The following HDGFL3 variants were observed in gnomAD, a reference collection of about 807,000 sequenced individuals.
The protein encoded by HDGFL3 is hepatoma-derived growth factor-related protein 3.
In HDGFL3, 6 loss-of-function variants were observed where a neutral mutation model predicts 27.6. That is an observed-to-expected ratio of 0.22 (90% confidence interval 0.12 to 0.43). HDGFL3 has a LOEUF of 0.43. HDGFL3 is among the 20% of genes least tolerant of loss of function. The pLI is 1.00. For missense variants in HDGFL3, 207 were observed against 250.1 expected, an observed-to-expected ratio of 0.83 and a Z score of 1.16; for synonymous variants, 88 against 88.9, an observed-to-expected ratio of 0.99 and a Z score of 0.05.
intron 3 of HDGFL3, among the ~76,000 whole-genome samples, chr15:83,116,154 C>T (rs1170783266): frequency 6.6e-6 from 1 of 152,232 alleles, no homozygotes; most frequent in Non-Finnish European, 1.5e-5. Context: ...ACATTCAGCT[C>T]TCACGGCTTC....
intron 1 of HDGFL3, among the ~76,000 whole-genome samples, chr15:83,170,334 T>A (rs1287667048): frequency 1.3e-5 from 2 of 152,096 alleles, no homozygotes; most frequent in African/African-American, 4.8e-5. Context: ...TAAGGCCACA[T>A]TAACCAAAAC....
intron 5 of HDGFL3, among the ~76,000 whole-genome samples, chr15:83,139,643 A>G (rs1033169036): frequency 2.0e-5 from 3 of 152,234 alleles, no homozygotes; most frequent in African/African-American, 4.8e-5. Context: ...GACATTCTTC[A>G]GAAAGAAAGG....
chr15:83,130,457 A>G lies in HDGFL3; in HGVS notation c.*8813T>C, dbSNP rs141308231. 1 of 152,358 alleles carries G rather than the reference A, an allele frequency of 6.6e-6. No homozygotes were observed. Among genetic ancestry groups the G allele is most frequent in the Non-Finnish European group, 1.5e-5 (1 of 68,076 alleles). The allele number at this position is 152,358 out of a possible 1,614,324, so 9.4% of individuals were successfully genotyped here. ...GGGCTTATCCATCACTGCCCAGTTGATAAGGCAGCCTGAAGCCCCTCTCTT... is the reference window on the plus strand; with the variant it reads ...GGGCTTATCCATCACTGCCCAGTTGGTAAGGCAGCCTGAAGCCCCTCTCTT... On this transcript the variant is annotated 3_prime_UTR_variant, in exon 6 of 6. Transcript: ENST00000299633.
rs369060713 is a variant in HDGFL3 at position 83,115,415 on chromosome 15, G to C, written c.*294C>G. 3.3e-4 allele frequency: 109 copies of C among 335,308 alleles called. 1 individual carries two copies. The East Asian group carries it at 5.3e-3, about 16-fold the overall frequency. The allele number at this position is 335,308 out of a possible 1,614,324, so 20.8% of individuals were successfully genotyped here. A position where few individuals can be genotyped will look rare whatever the true frequency, so the allele number is the denominator to read the frequency against. ...TTACAGACTTGAGCCACCATGCCCAGCCTGAATCATTGTCTTAAACTTAGT... is the reference window on the plus strand; with the variant it reads ...TTACAGACTTGAGCCACCATGCCCACCCTGAATCATTGTCTTAAACTTAGT... On this transcript the variant is annotated 3_prime_UTR_variant, in exon 4 of 4. Coordinates refer to the HDGFL3 transcript ENST00000568294.
In HDGFL3 at chr15:83,169,414, C is replaced by CAAAAAAAAAAAAAAAAAA. The variant is rs58159581; in HGVS notation, c.85-5357_85-5340dup. Among the ~76,000 whole-genome samples, 17 of 35,566 alleles carry CAAAAAAAAAAAAAAAAAA rather than the reference C, an allele frequency of 4.8e-4. 1 individual carries two copies. The highest frequency in any genetic ancestry group is 7.0e-4 in the Non-Finnish European group (13 of 18,560). 23.3% of individuals were successfully genotyped at this position (35,566 alleles called of 152,430 possible). ...TGGGCGACAGAGCGAGACTCCGTCT[C>CAAAAAAAAAAAAAAAAAA]AAAAAAAAAAAAAAAAAAAAAAAAA... On this transcript the variant is annotated intron_variant, in intron 1 of 5. Transcript: ENST00000299633.
chr15:83,127,051 G>T (rs1458440412), downstream of HDGFL3, among the ~76,000 whole-genome samples: 1 of 151,950 alleles, frequency 6.6e-6, no homozygotes. Flanking sequence ...AAAACTAGCC[G>T]GGCATGGTGG....
intron 1 of HDGFL3, among the ~76,000 whole-genome samples, chr15:83,191,688 T>G (rs2037512233): frequency 6.6e-6 from 1 of 152,198 alleles, no homozygotes; most frequent in Non-Finnish European, 1.5e-5. Flanking sequence ...TTTATTATAC[T>G]CTGGATATGT....
chr15:83,117,679 G>A (rs1433973339), intron 3 of HDGFL3, among the ~76,000 whole-genome samples: 1 of 152,130 alleles, frequency 6.6e-6, no homozygotes, highest in Admixed American at 6.5e-5. Context: ...AACTGTGGTG[G>A]CAAGGTCTGC....
chr15:83,171,001 C>T (rs2037239969), intron 1 of HDGFL3, among the ~76,000 whole-genome samples: 1 of 151,944 alleles, frequency 6.6e-6, no homozygotes, highest in Admixed American at 6.6e-5. Flanking sequence ...CAGAGAAATG[C>T]AAATCAAAAC....
intron 4 of HDGFL3, among the ~76,000 whole-genome samples, chr15:83,156,905 G>A (rs1023155373): frequency 3.9e-5 from 6 of 152,034 alleles, no homozygotes; most frequent in Non-Finnish European, 8.8e-5. Context: ...CACCATGTTA[G>A]TCATGATGGT....
intron 1 of HDGFL3, among the ~76,000 whole-genome samples, chr15:83,187,489 T>A (rs2151418636): frequency 6.6e-6 from 1 of 152,292 alleles, no homozygotes; most frequent in African/African-American, 2.4e-5. Context: ...AATTAATTTG[T>A]TTTTAATGGC....
intron 4 of HDGFL3, among the ~76,000 whole-genome samples, chr15:83,154,752 C>CTATTCAA (rs2037008050): frequency 6.6e-6 from 1 of 152,136 alleles, no homozygotes; most frequent in Non-Finnish European, 1.5e-5. Flanking sequence ...ATGTGGCAAG[C>CTATTCAA]TTGTCAAACA....
intron 1 of HDGFL3, among the ~76,000 whole-genome samples, chr15:83,191,302 A>G (rs2037508342): frequency 6.6e-6 from 1 of 152,246 alleles, no homozygotes; most frequent in South Asian, 2.1e-4. Context: ...AAACACAATT[A>G]AACACGCATT....
intron 5 of HDGFL3, among the ~76,000 whole-genome samples, chr15:83,143,650 A>C (rs943659399): frequency 6.6e-6 from 1 of 152,190 alleles, no homozygotes; most frequent in African/African-American, 2.4e-5. Context: ...AAACGGTGAG[A>C]GGTAAGACTG....
exon 4 of HDGFL3, chr15:83,113,354 C>G (rs1020540122): frequency 6.1e-6 from 1 of 163,498 alleles, no homozygotes; most frequent in Non-Finnish European, 1.3e-5. Context: ...CTTGTATGAC[C>G]CTGAGCACTT....
intron 1 of HDGFL3, among the ~76,000 whole-genome samples, chr15:83,205,234 G>C (rs2037702526): frequency 6.6e-6 from 1 of 152,172 alleles, no homozygotes; most frequent in African/African-American, 2.4e-5. Context: ...CATATGTGAA[G>C]TATACGCACT....
In HDGFL3 at chr15:83,158,008, A is replaced by G. The variant is rs751740311; in HGVS notation, c.195T>C (p.Tyr65=). 17 of 1,611,568 alleles carry G rather than the reference A, an allele frequency of 1.1e-5. 1 individual carries two copies. Among genetic ancestry groups the G allele is most frequent in the South Asian group, 2.2e-5 (2 of 90,958 alleles). ...AFLGPKDLFP[Y]KEYKDKFGKS... ...TTCCAAACTTGTCTTTGTACTCCTTATATGGAAAAAGGTCTTTGGGACCTA... is the reference window on the plus strand; with the variant it reads ...TTCCAAACTTGTCTTTGTACTCCTTGTATGGAAAAAGGTCTTTGGGACCTA... Residue 65 remains tyrosine, a synonymous_variant, in exon 3 of 6, where the codon TAT becomes TAC. Coordinates refer to ENST00000299633, the MANE Select transcript of HDGFL3 (RefSeq NM_016073.4).
At chr15:83,150,903 T>C (rs918171237) in intron 5 of HDGFL3, among the ~76,000 whole-genome samples, 5 of 152,228 alleles carry the variant, frequency 3.3e-5, no homozygotes, top group African/African-American at 1.2e-4. Flanking sequence ...ATACAACTGT[T>C]GAATTTTGGG....
chr15:83,199,115 T>C (rs992483985), intron 1 of HDGFL3, among the ~76,000 whole-genome samples: 6 of 152,226 alleles, frequency 3.9e-5, no homozygotes, highest in Admixed American at 1.3e-4. Flanking sequence ...CATCATGTAG[T>C]AGTCCAGGGA....
Sources: gnomAD v4.1 joint callset for allele counts (sites outside exome capture counted in the v4.1 genomes callset) on GRCh38, gnomAD v4.1.1 for gene constraint, MANE v1.5 for transcripts, NCBI Gene and HGNC (gene_info 2026-07-23, HGNC 2026-07-21) for gene names.